The following ST3GAL1 variants were observed in gnomAD, a reference collection of about 807,000 sequenced individuals.
ST3GAL1 encodes the protein ST3 beta-galactoside alpha-2,3-sialyltransferase 1.
In ST3GAL1, 16 loss-of-function variants were observed where a neutral mutation model predicts 34.1. The observed-to-expected ratio is 0.47, with a 90% confidence interval of 0.32 to 0.71. The LOEUF (loss-of-function observed/expected upper bound fraction) is 0.71. ST3GAL1 is among the 30% of genes least tolerant of loss of function. The pLI, the probability that ST3GAL1 is intolerant of heterozygous loss-of-function variation, is 0.04. For missense variants in ST3GAL1, 353 were observed against 447.4 expected, an observed-to-expected ratio of 0.79 and a Z score of 1.90; for synonymous variants, 191 against 184.7, an observed-to-expected ratio of 1.03 and a Z score of -0.28.
intron 2 of ST3GAL1, among the ~76,000 whole-genome samples, chr8:133,521,975 G>C (rs190029300): frequency 2.0e-5 from 3 of 152,168 alleles, no homozygotes; most frequent in African/African-American, 7.2e-5. Flanking sequence ...ATTTGTTTCA[G>C]TGGTCATGGG....
rs1032959811 is a variant in ST3GAL1, at chr8:133,466,652, G to T, written c.307-562C>A. ...TCTCCAGCCCCGGCCAGGGATGGGG[G>T]ACAGAGCAGTAGGGACATCTGCCAT... On this transcript the variant is annotated intron_variant, in intron 5 of 9. Transcript: ENST00000522652. The surrounding 1 kb of genome is among the most constrained non-coding windows in gnomAD (Gnocchi z 4.4). 6.6e-5 allele frequency among the ~76,000 whole-genome samples: 10 copies of T among 152,220 alleles called. No homozygotes were observed. Among genetic ancestry groups the T allele is most frequent in the Non-Finnish European group, 1.2e-4 (8 of 68,036 alleles).
At chr8:133,553,876 G>A (rs554344715) in intron 1 of ST3GAL1, among the ~76,000 whole-genome samples, 8 of 152,274 alleles carry the variant, frequency 5.3e-5, no homozygotes, top group South Asian at 4.2e-4. Context: ...CATAGGTTGC[G>A]GCAATCTAAG....
intron 2 of ST3GAL1, among the ~76,000 whole-genome samples, chr8:133,501,688 G>C (rs559567763): frequency 6.6e-5 from 10 of 152,298 alleles, no homozygotes; most frequent in African/African-American, 2.4e-4. Flanking sequence ...GGTGGAGGTT[G>C]CAGTGAGCCG....
At chr8:133,475,569 T>G (rs1816137390) in intron 5 of ST3GAL1, 150 bp downstream of exon 5, 1 of 921,588 alleles carries the variant, frequency 1.1e-6, no homozygotes, top group Non-Finnish European at 1.6e-6. Flanking sequence ...AGCACCTCAC[T>G]CTCATTACCA....
rs1586632890 is a variant in ST3GAL1 at position 133,514,449 on chromosome 8, G to A, written c.-428-15260C>T. Among the ~76,000 whole-genome samples, 4 of 152,080 alleles carry A rather than the reference G, an allele frequency of 2.6e-5. No homozygotes were observed. In the East Asian group the frequency reaches 7.7e-4, roughly 29 times the overall value. Reference sequence around the variant, plus strand: ...TCCTTCCATGCCATGGAAGAGAATGGAACAGGCAGGAATCAAGAGGGTGAG... The same window carrying A: ...TCCTTCCATGCCATGGAAGAGAATGAAACAGGCAGGAATCAAGAGGGTGAG... On this transcript the variant is annotated intron_variant, in intron 2 of 9. Coordinates refer to ENST00000522652, the MANE Select transcript of ST3GAL1 (RefSeq NM_173344.3).
Position 133,466,216 on chromosome 8 carries a change from C to T in ST3GAL1, c.307-126G>A. 1.1e-6 allele frequency: 1 copy of T among 948,108 alleles called. No homozygotes were observed. Among genetic ancestry groups the T allele is most frequent in the East Asian group, 2.6e-5 (1 of 37,770 alleles). 58.7% of individuals were successfully genotyped at this position (948,108 alleles called of 1,614,324 possible). A position where few individuals can be genotyped will look rare whatever the true frequency, so the allele number is the denominator to read the frequency against. On this transcript the variant is annotated intron_variant, in intron 5 of 9. Transcript: ENST00000522652. This position sits in a 1 kb window ranked among gnomAD's most constrained non-coding sequence, Gnocchi z 4.4. Reference sequence around the variant, plus strand: ...TGTTCACCCTTCTCTCTGCTGGGCCCCCGGAGATGGAGGCGGCTCACACAC... The same window carrying T: ...TGTTCACCCTTCTCTCTGCTGGGCCTCCGGAGATGGAGGCGGCTCACACAC...
chr8:133,516,774 G>C (rs1230182893), intron 2 of ST3GAL1, among the ~76,000 whole-genome samples: 1 of 152,198 alleles, frequency 6.6e-6, no homozygotes, highest in African/African-American at 2.4e-5. Context: ...TCTAAGCCCA[G>C]GTTTGTTTCC....
intron 5 of ST3GAL1, among the ~76,000 whole-genome samples, chr8:133,475,152 G>A (rs1261035040): frequency 2.0e-5 from 3 of 152,260 alleles, no homozygotes; most frequent in Non-Finnish European, 4.4e-5. Context: ...AGAGGGACAT[G>A]TGAGACATAA....
chr8:133,525,444 C>G (rs186927265), intron 2 of ST3GAL1, among the ~76,000 whole-genome samples: 2 of 152,280 alleles, frequency 1.3e-5, no homozygotes, highest in Non-Finnish European at 2.9e-5. Flanking sequence ...ACCATAAGTT[C>G]TTCCTCTAGG....
chr8:133,464,812 C>A lies in ST3GAL1; in HGVS notation c.649G>T (p.Val217Leu). 1 of 1,613,702 alleles carries A rather than the reference C, an allele frequency of 6.2e-7. No individual in the cohort carries two copies. The highest frequency in any genetic ancestry group is 8.5e-7 in the Non-Finnish European group (1 of 1,179,772). ...GTGCCCGTGGTGATGGCGCTCACCA[C>A]CCACTCCAAGTCGATGGTCTTGAAG... The part of the protein sequence containing the change: ...VPFKTIDLEW[V>L]VSAITTGTIS... The change falls in exon 7 of 10, where the codon GTG becomes TTG. Residue 217 changes from valine (V) to leucine (L), a missense_variant. Transcript: ENST00000522652.
intron 1 of ST3GAL1, among the ~76,000 whole-genome samples, chr8:133,568,297 C>T (rs976421299): frequency 1.2e-4 from 18 of 152,160 alleles, no homozygotes; most frequent in South Asian, 6.2e-4. Context: ...AGTAACTGAG[C>T]GCTGCCACTG....
At chr8:133,560,328 T>C (rs1206364229) in intron 1 of ST3GAL1, among the ~76,000 whole-genome samples, 2 of 152,104 alleles carry the variant, frequency 1.3e-5, no homozygotes, top group Non-Finnish European at 2.9e-5. Flanking sequence ...AAAAAGTATT[T>C]GCATTTCGTG....
chr8:133,474,696 A>G (rs544953660), intron 5 of ST3GAL1, among the ~76,000 whole-genome samples: 1 of 152,088 alleles, frequency 6.6e-6, no homozygotes, highest in African/African-American at 2.4e-5. Context: ...CCGCTGTCCC[A>G]GACACCTGCA....
chr8:133,485,815 G>A (rs1816570272), intron 3 of ST3GAL1, among the ~76,000 whole-genome samples: 1 of 151,930 alleles, frequency 6.6e-6, no homozygotes, highest in Non-Finnish European at 1.5e-5. Context: ...GTCGGGAGTT[G>A]GTTTAGCTGC....
intron 1 of ST3GAL1, among the ~76,000 whole-genome samples, chr8:133,558,705 A>T (rs1819130827): frequency 6.6e-6 from 1 of 152,190 alleles, no homozygotes; most frequent in Non-Finnish European, 1.5e-5. Context: ...GACAATGCAG[A>T]AGTATTCTGA....
intron 3 of ST3GAL1, among the ~76,000 whole-genome samples, chr8:133,477,363 G>T (rs991633149): frequency 6.6e-6 from 1 of 152,152 alleles, no homozygotes; most frequent in Non-Finnish European, 1.5e-5. Flanking sequence ...TCATGCATAC[G>T]TATCTCTTCA....
Position 133,458,949 on chromosome 8 carries a change from G to T in ST3GAL1, c.*815C>A. On this transcript the variant is annotated 3_prime_UTR_variant, in exon 10 of 10. Coordinates refer to ENST00000522652, the MANE Select transcript of ST3GAL1 (RefSeq NM_173344.3). ...TGCCCAGGCTGGAGTGCAGTGGTGTGATCACAGCCCACTGCAGCCTCGAAC... is the reference window on the plus strand; with the variant it reads ...TGCCCAGGCTGGAGTGCAGTGGTGTTATCACAGCCCACTGCAGCCTCGAAC... 6.7e-6 allele frequency: 1 copy of T among 150,224 alleles called. No individual in the cohort carries two copies. Among genetic ancestry groups the T allele is most frequent in the South Asian group, 2.1e-4 (1 of 4,720 alleles). The allele number at this position is 150,224 out of a possible 1,614,324, so 9.3% of individuals were successfully genotyped here.
intron 2 of ST3GAL1, among the ~76,000 whole-genome samples, chr8:133,506,455 G>A (rs1234036102): frequency 6.6e-6 from 1 of 152,174 alleles, no homozygotes; most frequent in Non-Finnish European, 1.5e-5. Flanking sequence ...AGATGGTGAT[G>A]GGCAACCTTG....
In ST3GAL1 at chr8:133,541,120, T is replaced by TATATATATATATATATAG. The variant is rs71299078; in HGVS notation, c.-429+4653_-429+4654insCTATATATATATATATAT. 1.9e-4 allele frequency among the ~76,000 whole-genome samples: 9 copies of TATATATATATATATATAG among 48,644 alleles called. 1 individual carries two copies. Among genetic ancestry groups the TATATATATATATATATAG allele is most frequent in the African/African-American group, 7.9e-4 (8 of 10,138 alleles). 31.9% of individuals were successfully genotyped at this position (48,644 alleles called of 152,430 possible). A position where few individuals can be genotyped will look rare whatever the true frequency, so the allele number is the denominator to read the frequency against. Reference sequence around the variant, plus strand: ...ACATATATATATATATATATATATATAGAGAGAGAGAGAGAGAGAGAGAGA... The same window carrying TATATATATATATATATAG: ...ACATATATATATATATATATATATATATATATATATATATATAGAGAGAGAGAGAGAGAGAGAGAGAGA... On this transcript the variant is annotated intron_variant, in intron 2 of 9. Coordinates refer to ENST00000522652, the MANE Select transcript of ST3GAL1 (RefSeq NM_173344.3).
Sources: gnomAD v4.1 joint callset for allele counts (sites outside exome capture counted in the v4.1 genomes callset) on GRCh38, gnomAD v4.1.1 for gene constraint, Gnocchi (gnomAD v3.1) non-coding constraint, MANE v1.5 for transcripts, NCBI Gene and HGNC (gene_info 2026-07-23, HGNC 2026-07-21) for gene names.